CSMD1: variants seen among roughly 807,000 people sequenced by gnomAD.
The protein encoded by CSMD1 is CUB and sushi domain-containing protein 1.
CSMD1 carries 213 observed loss-of-function variants against 417.5 expected under a neutral mutation model. The observed-to-expected ratio is 0.51, with a 90% CI of 0.46 to 0.57. The LOEUF (loss-of-function observed/expected upper bound fraction) is 0.57. CSMD1 is among the 20% of genes least tolerant of loss of function. The probability of loss-of-function intolerance (pLI) is 0.00; values close to 1 mark genes in which losing one functional copy is unlikely to be tolerated. For missense variants in CSMD1, 6,923 were observed against 4,529.7 expected (o/e 1.53, Z -15.17); for synonymous variants, 2,862 against 1,736.8 (o/e 1.65, Z -16.11).
chr8:3,367,480 G>C (rs185251781), intron 19 of CSMD1, among the ~76,000 whole-genome samples: 3 of 152,144 alleles, frequency 2.0e-5, no homozygotes, highest in African/African-American at 4.8e-5. Flanking sequence ...GAGAAAAAGA[G>C]AGAGGTTAGG....
intron 10 of CSMD1, among the ~76,000 whole-genome samples, chr8:3,543,581 G>T (rs1445059412): frequency 6.6e-6 from 1 of 151,806 alleles, no homozygotes. Flanking sequence ...TGAATGTGGG[G>T]TATGAGAACA....
intron 26 of CSMD1, among the ~76,000 whole-genome samples, chr8:3,268,268 T>TG (rs996440054): frequency 3.4e-5 from 5 of 148,126 alleles, no homozygotes; most frequent in Non-Finnish European, 7.4e-5. Context: ...CATCAGGGTG[T>TG]GGTCAGATGG....
chr8:4,226,188 G>C (rs771639737), intron 3 of CSMD1, among the ~76,000 whole-genome samples: 2 of 151,834 alleles, frequency 1.3e-5, no homozygotes, highest in Non-Finnish European at 2.9e-5. Flanking sequence ...ACTTAAAGGA[G>C]ATCATTTTAC....
intron 6 of CSMD1, among the ~76,000 whole-genome samples, chr8:3,722,622 T>G (rs13278122): frequency 0.12 from 18,955 of 152,176 alleles, 1,441 homozygotes; most frequent in Middle Eastern, 0.18. Context: ...AAGTCCCCAT[T>G]AGTAAAACTG....
chr8:3,088,276 T>G (rs1018907335), intron 48 of CSMD1, among the ~76,000 whole-genome samples: 1 of 152,230 alleles, frequency 6.6e-6, no homozygotes, highest in African/African-American at 2.4e-5. Flanking sequence ...AGGTCACTAC[T>G]GCATAAGGCG....
intron 6 of CSMD1, among the ~76,000 whole-genome samples, chr8:3,738,066 A>T (rs1048695589): frequency 6.6e-6 from 1 of 152,230 alleles, no homozygotes; most frequent in African/African-American, 2.4e-5. Context: ...ACACTAATGT[A>T]AATGATTACT....
At chr8:3,212,026 C>G (rs79848028) in intron 30 of CSMD1, among the ~76,000 whole-genome samples, 1 of 152,086 alleles carries the variant, frequency 6.6e-6, no homozygotes, top group African/African-American at 2.4e-5. Context: ...CCCACTTCTT[C>G]GTTTGTCTCC....
chr8:3,667,338 C>A (rs1216355689), intron 7 of CSMD1, among the ~76,000 whole-genome samples: 2 of 151,792 alleles, frequency 1.3e-5, no homozygotes, highest in African/African-American at 4.8e-5. Context: ...TGGCAGGTGT[C>A]CCCTTGTGTA....
At chr8:4,440,495 T>A (rs962216171) in intron 2 of CSMD1, among the ~76,000 whole-genome samples, 1 of 152,172 alleles carries the variant, frequency 6.6e-6, no homozygotes, top group Non-Finnish European at 1.5e-5. Context: ...TGTTCTCATT[T>A]CCCTCTATAA....
At chr8:4,387,059 T>G (rs2128921859) in intron 3 of CSMD1, among the ~76,000 whole-genome samples, 1 of 152,262 alleles carries the variant, frequency 6.6e-6, no homozygotes, top group Non-Finnish European at 1.5e-5. Flanking sequence ...TTAAAAAACA[T>G]AAAACGGATG....
At chr8:4,039,286 G>A (rs1797769225) in intron 3 of CSMD1, among the ~76,000 whole-genome samples, 1 of 152,098 alleles carries the variant, frequency 6.6e-6, no homozygotes, top group Non-Finnish European at 1.5e-5. Flanking sequence ...ATTCCTTCAT[G>A]ATGTGTACTT....
Position 3,445,821 on chromosome 8 carries a change from T to A in CSMD1, c.1561+22891A>T, listed in dbSNP as rs143738232. 2.2e-3 allele frequency among the ~76,000 whole-genome samples: 332 copies of A among 152,288 alleles called. 2 individuals carry two copies. Among genetic ancestry groups the A allele is most frequent in the African/African-American group, 7.7e-3 (320 of 41,552 alleles). The stretch of plus-strand genomic sequence containing the variant: ...ACAAAACATAACACCCAAAGGCAAC[T>A]GAGGGATTATATCCTTGAAAGAAAG... On this transcript the variant is annotated intron_variant, in intron 12 of 69. Transcript: ENST00000635120.
chr8:4,407,459 T>C (rs547108974), intron 3 of CSMD1, among the ~76,000 whole-genome samples: 1 of 152,340 alleles, frequency 6.6e-6, no homozygotes, highest in East Asian at 1.9e-4. Context: ...CAAAAGTATG[T>C]TGTAAAACGT....
intron 1 of CSMD1, among the ~76,000 whole-genome samples, chr8:4,696,700 G>C (rs1807154547): frequency 6.6e-6 from 1 of 151,982 alleles, no homozygotes; most frequent in South Asian, 2.1e-4. Context: ...GACCCATGAA[G>C]GCAAGGACTT....
intron 5 of CSMD1, among the ~76,000 whole-genome samples, chr8:3,972,085 G>A (rs550593386): frequency 6.2e-4 from 95 of 152,196 alleles, no homozygotes; most frequent in African/African-American, 2.2e-3. Context: ...TGCCCAGGCT[G>A]ATCCTGACTT....
intron 12 of CSMD1, among the ~76,000 whole-genome samples, chr8:3,433,295 C>T (rs895827086): frequency 2.6e-5 from 4 of 152,164 alleles, no homozygotes; most frequent in African/African-American, 9.7e-5. Context: ...GACCATATAG[C>T]TTTATTTTGA....
intron 1 of CSMD1, among the ~76,000 whole-genome samples, chr8:4,775,507 T>C (rs1318058321): frequency 2.0e-5 from 3 of 152,200 alleles, no homozygotes; most frequent in Non-Finnish European, 4.4e-5. Context: ...TCATTTTCCT[T>C]GTAAGAATTC....
At chr8:3,360,420 C>T (rs1475380106) in intron 20 of CSMD1, among the ~76,000 whole-genome samples, 1 of 152,192 alleles carries the variant, frequency 6.6e-6, no homozygotes, top group Non-Finnish European at 1.5e-5. Context: ...GGTCCATTAT[C>T]AAGTCCATGG....
intron 18 of CSMD1, among the ~76,000 whole-genome samples, chr8:3,378,775 C>A (rs187410136): frequency 1.3e-5 from 2 of 152,102 alleles, no homozygotes; most frequent in African/African-American, 4.8e-5. Flanking sequence ...TTATGACAAA[C>A]CCACAGCCAA....
Sources: allele counts gnomAD v4.1 joint callset (sites outside exome capture counted in the v4.1 genomes callset), GRCh38; gene constraint gnomAD v4.1.1; transcripts MANE v1.5; gene names NCBI Gene and HGNC (gene_info 2026-07-23, HGNC 2026-07-21).